SCAPER: variants seen among roughly 807,000 people sequenced by gnomAD.
SCAPER encodes the protein S phase cyclin A-associated protein in the endoplasmic reticulum.
Under a neutral mutation model 182.2 loss-of-function variants are expected in SCAPER, and 98 were observed. The observed-to-expected ratio is 0.54, with a 90% CI of 0.46 to 0.64. The LOEUF is 0.64. SCAPER is among the 30% of genes least tolerant of loss of function. SCAPER has a pLI of 0.00. For synonymous variants in SCAPER, 605 were observed against 564.6 expected, an observed-to-expected ratio of 1.07 and a Z score of -1.01; for missense variants, 1,432 against 1,690.0, an observed-to-expected ratio of 0.85 and a Z score of 2.68.
chr15:76,667,625 CAAAAAAAAAAAAAAAAAAAAA>C (rs775463270), intron 20 of SCAPER, among the ~76,000 whole-genome samples: 2 of 27,452 alleles, frequency 7.3e-5, no homozygotes, highest in African/African-American at 1.3e-4. Flanking sequence ...GACTCAGTCT[CAAAAAAAAAAAAAAAAAAAAA>C]AAAAAAAAAA....
chr15:76,862,660 T>C, intron 2 of SCAPER, 127 bp from the exon 3 acceptor site: 1 of 536,942 alleles, frequency 1.9e-6, no homozygotes, highest in Non-Finnish European at 3.1e-6. Flanking sequence ...ATGTGGTGGG[T>C]GGTTAAACAG....
At chr15:76,588,699 A>G (rs968405324) in intron 22 of SCAPER, among the ~76,000 whole-genome samples, 2 of 152,070 alleles carry the variant, frequency 1.3e-5, no homozygotes, top group Admixed American at 1.3e-4. Context: ...AGGTCCTGTG[A>G]GATTTACGCT....
chr15:76,357,150 T>A (rs946612813), intron 29 of SCAPER, among the ~76,000 whole-genome samples: 12 of 128,952 alleles, frequency 9.3e-5, no homozygotes, highest in East Asian at 2.4e-4. Context: ...TTTATTGACA[T>A]CACACACACA....
At chr15:76,382,639 A>G (rs894160653) in intron 27 of SCAPER, among the ~76,000 whole-genome samples, 26 of 152,296 alleles carry the variant, frequency 1.7e-4, no homozygotes, top group African/African-American at 5.3e-4. Flanking sequence ...CTCATAGCCA[A>G]TATGCTTCAC....
intron 23 of SCAPER, among the ~76,000 whole-genome samples, chr15:76,537,490 G>A (rs2044285200): frequency 6.6e-6 from 1 of 152,216 alleles, no homozygotes; most frequent in East Asian, 1.9e-4. Context: ...TTTAATAAAA[G>A]GTGCTGGGAA....
chr15:76,613,341 C>A (rs2051166178), intron 22 of SCAPER, among the ~76,000 whole-genome samples: 1 of 152,132 alleles, frequency 6.6e-6, no homozygotes, highest in Admixed American at 6.5e-5. Context: ...CTAGGCAATA[C>A]CATTTGGGAC....
chr15:76,371,943 G>C (rs146321353), intron 29 of SCAPER, among the ~76,000 whole-genome samples: 67 of 151,764 alleles, frequency 4.4e-4, no homozygotes, highest in African/African-American at 1.5e-3. Context: ...TAAATATTAT[G>C]CTTAGAAATA....
At chr15:76,429,408 G>A (rs1034341246) in intron 26 of SCAPER, among the ~76,000 whole-genome samples, 4 of 152,244 alleles carry the variant, frequency 2.6e-5, no homozygotes, top group Admixed American at 2.0e-4. Flanking sequence ...GGAAAATGTG[G>A]GAAAGTTTGG....
At chr15:76,536,818 C>G (rs2044206974) in intron 23 of SCAPER, among the ~76,000 whole-genome samples, 2 of 152,082 alleles carry the variant, frequency 1.3e-5, no homozygotes, top group African/African-American at 4.8e-5. Context: ...CTAGAAAACC[C>G]CATTGTCTCA....
At chr15:76,629,304 G>A (rs2052878101) in intron 21 of SCAPER, among the ~76,000 whole-genome samples, 1 of 152,238 alleles carries the variant, frequency 6.6e-6, no homozygotes, top group African/African-American at 2.4e-5. Context: ...TGTTGAATAG[G>A]AGTGGTGAGA....
intron 26 of SCAPER, among the ~76,000 whole-genome samples, chr15:76,424,447 CT>C (rs980173780): frequency 6.6e-6 from 1 of 152,014 alleles, no homozygotes; most frequent in Admixed American, 6.6e-5. Flanking sequence ...CAACTCCTGC[CT>C]TTTTTTGTTT....
intron 24 of SCAPER, 91 bp downstream of exon 24, chr15:76,504,768 A>G (rs1019091522): frequency 1.9e-6 from 2 of 1,040,120 alleles, no homozygotes; most frequent in Non-Finnish European, 1.4e-6. Context: ...GAATACACAT[A>G]CAATTTTCTT....
intron 23 of SCAPER, among the ~76,000 whole-genome samples, chr15:76,524,954 T>C (rs1459939296): frequency 1.3e-5 from 2 of 152,114 alleles, no homozygotes; most frequent in East Asian, 3.8e-4. Flanking sequence ...TTGTTAGGCA[T>C]AATTTATTTT....
chr15:76,772,042 T>A, intron 9 of SCAPER, 88 bp from the exon 10 acceptor site: 1 of 874,818 alleles, frequency 1.1e-6, no homozygotes, highest in Non-Finnish European at 1.6e-6. Context: ...CTTAACCTAT[T>A]AACTATGAAG....
chr15:76,438,432 T>C lies in SCAPER; in HGVS notation c.3079-4122A>G, dbSNP rs544585126. Among the ~76,000 whole-genome samples the C allele has an allele frequency of 3.9e-5, 6 of 152,304 alleles. No individual in the cohort carries two copies. In the South Asian group the frequency reaches 1.2e-3, roughly 32 times the overall value. On this transcript the variant is annotated intron_variant, in intron 25 of 31. Transcript: ENST00000563290. ...CTGCCCCAAGAAAATAAGCTCAATG[T>C]AAAGCAAATCAGATATACAGTTTTA...
At position 76,714,566 on chromosome 15, in the gene SCAPER, C is replaced by CAGCAGT. The variant is rs1340912792; in HGVS notation, c.2166-8583_2166-8582insACTGCT. Reference sequence around the variant, plus strand: ...GTAGTAGTAGTAGTAGTAGTAGTAGCAGTAGTAGTAGTAGTGATTTGGAGG... The same window carrying CAGCAGT: ...GTAGTAGTAGTAGTAGTAGTAGTAGCAGCAGTAGTAGTAGTAGTAGTGATTTGGAGG... On this transcript the variant is annotated intron_variant, in intron 17 of 31. Coordinates refer to ENST00000563290, the MANE Select transcript of SCAPER (RefSeq NM_020843.4). Among the ~76,000 whole-genome samples the CAGCAGT allele has an allele frequency of 8.3e-3, 1,229 of 147,840 alleles. 12 individuals carry two copies. Among genetic ancestry groups the CAGCAGT allele is most frequent in the African/African-American group, 0.029 (1,166 of 39,958 alleles).
chr15:76,483,295 CAAAAA>C (rs61261703), intron 24 of SCAPER, among the ~76,000 whole-genome samples: 1 of 133,026 alleles, frequency 7.5e-6, no homozygotes, highest in African/African-American at 2.8e-5. Flanking sequence ...TATTCACATG[CAAAAA>C]AAAAAAAAAA....
chr15:76,486,209 AAAACAAAC>A (rs757467084), intron 24 of SCAPER, among the ~76,000 whole-genome samples: 4 of 152,108 alleles, frequency 2.6e-5, no homozygotes, highest in Admixed American at 2.6e-4. Context: ...TCTGTCTCAA[AAAACAAAC>A]AAACAAACAA....
At chr15:76,812,274 A>T (rs1278620952) in intron 5 of SCAPER, among the ~76,000 whole-genome samples, 1 of 152,178 alleles carries the variant, frequency 6.6e-6, no homozygotes, top group African/African-American at 2.4e-5. Context: ...AGATTGTGCC[A>T]CTGCACCCCA....
Sources: allele counts gnomAD v4.1 joint callset (sites outside exome capture counted in the v4.1 genomes callset), GRCh38; gene constraint gnomAD v4.1.1; transcripts MANE v1.5; gene names NCBI Gene and HGNC (gene_info 2026-07-23, HGNC 2026-07-21).